Variants in ADH1C observed in about 807,000 individuals in gnomAD.
ADH1C encodes the protein alcohol dehydrogenase 1C (class I), gamma polypeptide.
A neutral mutation model predicts 35.0 loss-of-function variants in ADH1C; 26 were observed. The ratio of observed to expected loss-of-function variants is 0.74; its 90% confidence interval spans 0.54 to 1.03. The LOEUF (loss-of-function observed/expected upper bound fraction) is 1.03, where lower values mean the gene tolerates loss of function less well. Ranked by LOEUF, ADH1C falls within the 50% of genes least tolerant of loss-of-function variation. The pLI, the probability that ADH1C is intolerant of heterozygous loss-of-function variation, is 0.00. For synonymous variants in ADH1C, 170 were observed against 169.3 expected (o/e 1.00, Z -0.03); for missense variants, 413 against 465.4 (o/e 0.89, Z 1.04).
At chr4:99,352,320 CA>C (rs1268994324) in intron 1 of ADH1C, among the ~76,000 whole-genome samples, 1 of 152,042 alleles carries the variant, frequency 6.6e-6, no homozygotes, top group African/African-American at 2.4e-5. Context: ...TTTAGGTTTA[CA>C]AATCAGTCAT....
chr4:99,346,818 A>AT (rs1451864650), intron 3 of ADH1C, among the ~76,000 whole-genome samples, 188 bp downstream of exon 3: 1 of 152,118 alleles, frequency 6.6e-6, no homozygotes, highest in East Asian at 1.9e-4. Context: ...GAATACACGC[A>AT]TGCCTGCCTG....
intron 8 of ADH1C, among the ~76,000 whole-genome samples, chr4:99,337,640 A>G (rs779190451): frequency 1.3e-5 from 2 of 152,012 alleles, no homozygotes; most frequent in Admixed American, 6.6e-5. Flanking sequence ...AAATATATGC[A>G]CATAATTTAG....
chr4:99,339,183 C>T (rs540798448), intron 8 of ADH1C, among the ~76,000 whole-genome samples: 2 of 152,018 alleles, frequency 1.3e-5, no homozygotes, highest in Non-Finnish European at 2.9e-5. Context: ...TTTTAATATA[C>T]AATCATTAGA....
intron 1 of ADH1C, among the ~76,000 whole-genome samples, chr4:99,350,576 C>G (rs925155114): frequency 6.6e-6 from 1 of 152,190 alleles, no homozygotes; most frequent in African/African-American, 2.4e-5. Flanking sequence ...TTATTTTGTT[C>G]CATTTTATGG....
At chr4:99,339,531 C>CCCCCCCT in intron 8 of ADH1C, 46 bp downstream of exon 8, 1 of 1,205,814 alleles carries the variant, frequency 8.3e-7, no homozygotes, top group South Asian at 1.5e-5. Context: ...CCCCCCGCCG[C>CCCCCCCT]TACTGTAGAA....
In ADH1C at chr4:99,336,767, G is replaced by C; in HGVS notation, c.1113C>G (p.Thr371=). ...CTGTATTGTTTCAAAACGTCAGGACGGTACGGATACTGCAATAGGAAAGAA... is the reference window on the plus strand; with the variant it reads ...CTGTATTGTTTCAAAACGTCAGGACCGTACGGATACTGCAATAGGAAAGAA... The part of the protein sequence containing the change: ...DLLRSGKSIR[T]VLTF The change falls in exon 9 of 9, where the codon ACC becomes ACG. Residue 371 remains threonine (T), a synonymous_variant. Transcript: ENST00000515683. The C allele has an allele frequency of 6.2e-7, 1 of 1,613,676 alleles. No individual in the cohort carries two copies. Among genetic ancestry groups the C allele is most frequent in the Non-Finnish European group, 8.5e-7 (1 of 1,179,732 alleles).
At chr4:99,343,798 C>T (rs1344119729) in intron 5 of ADH1C, among the ~76,000 whole-genome samples, 3 of 152,106 alleles carry the variant, frequency 2.0e-5, no homozygotes, top group African/African-American at 4.8e-5. Flanking sequence ...CTAAAGTCAC[C>T]GAAATTTGGA....
chr4:99,349,650 T>C (rs1000803812), intron 1 of ADH1C, among the ~76,000 whole-genome samples: 4 of 133,808 alleles, frequency 3.0e-5, no homozygotes, highest in Non-Finnish European at 7.1e-5. Context: ...TTTAATTTTC[T>C]CTCTCCACTT....
chr4:99,342,023 A>T (rs283409), intron 6 of ADH1C, among the ~76,000 whole-genome samples: 117,519 of 142,524 alleles, frequency 0.82, 48,975 homozygotes, highest in South Asian at 0.87. Flanking sequence ...AAAAAAAAAA[A>T]AAATAAATAA....
intron 3 of ADH1C, among the ~76,000 whole-genome samples, chr4:99,346,671 G>T (rs1415345834): frequency 6.6e-6 from 1 of 151,964 alleles, no homozygotes; most frequent in African/African-American, 2.4e-5. Context: ...AGAAGACAGT[G>T]TTCAGCTAAC....
At chr4:99,345,334 C>T in intron 3 of ADH1C, 68 bp from the exon 4 acceptor site, 4 of 1,419,192 alleles carry the variant, frequency 2.8e-6, no homozygotes, top group Non-Finnish European at 3.9e-6. Context: ...AAACTTAACG[C>T]TCACATGTAT....
intron 8 of ADH1C, among the ~76,000 whole-genome samples, chr4:99,338,426 T>C (rs1202625604): frequency 6.4e-5 from 6 of 93,176 alleles, no homozygotes; most frequent in African/African-American, 2.4e-4. Context: ...TATATATATA[T>C]ATATATATAT....
Position 99,339,706 on chromosome 4 carries a change from C to T in ADH1C, c.974G>A (p.Ser325Asn). ...WKGAIFGGFK[S>N]KESVPKLVAD... Reference sequence around the variant, plus strand: ...CACAAGTTTGGGGACAGATTCTTTACTCTTAAAGCCTGAAAAGAAGAAAAT... The same window carrying T: ...CACAAGTTTGGGGACAGATTCTTTATTCTTAAAGCCTGAAAAGAAGAAAAT... The change falls in exon 8 of 9, where the codon AGT becomes AAT. Residue 325 changes from serine to asparagine, a missense_variant. Coordinates refer to ENST00000515683, the MANE Select transcript of ADH1C (RefSeq NM_000669.5). The T allele has an allele frequency of 6.2e-7, 1 of 1,606,698 alleles. No individual in the cohort carries two copies. The highest frequency in any genetic ancestry group is 8.5e-7 in the Non-Finnish European group (1 of 1,178,142).
intron 5 of ADH1C, among the ~76,000 whole-genome samples, chr4:99,343,897 T>C (rs1315214201): frequency 2.0e-5 from 3 of 152,230 alleles, no homozygotes; most frequent in African/African-American, 7.2e-5. Context: ...GGTAACATGC[T>C]GTTCCTGTTC....
chr4:99,338,397 A>C (rs1238310834), intron 8 of ADH1C, among the ~76,000 whole-genome samples: 2 of 10,060 alleles, frequency 2.0e-4, no homozygotes, highest in Non-Finnish European at 3.9e-4. Flanking sequence ...ACTGTTTTCT[A>C]TATATATATA....
At position 99,340,713 on chromosome 4, in the gene ADH1C, G is replaced by A. The variant is rs747412075; in HGVS notation, c.829-3C>T. ...TGACAACATAACAGGGAAGCCATCT[G>A]GAATAAAGTGAACATTTAGTATCCT... is the stretch of plus-strand genomic sequence containing the variant. On this transcript the variant is annotated splice_polypyrimidine_tract_variant and splice_region_variant and intron_variant, in intron 6 of 8. Transcript: ENST00000515683. 1.2e-6 allele frequency: 2 copies of A among 1,612,250 alleles called. No homozygotes were observed. The highest frequency in any genetic ancestry group is 2.2e-5 in the South Asian group (2 of 90,988).
intron 7 of ADH1C, 56 bp downstream of exon 7, chr4:99,340,519 A>G: frequency 5.0e-6 from 8 of 1,598,712 alleles, no homozygotes; most frequent in Non-Finnish European, 6.8e-6. Flanking sequence ...GTCACTCATA[A>G]AAGGAGAGAA....
At chr4:99,349,874 T>C (rs1158351532) in intron 1 of ADH1C, among the ~76,000 whole-genome samples, 1 of 152,048 alleles carries the variant, frequency 6.6e-6, no homozygotes, top group African/African-American at 2.4e-5. Flanking sequence ...AACTGTGTAT[T>C]TGAGTTTCTA....
chr4:99,344,898 A>G lies in ADH1C; in HGVS notation c.531T>C (p.Phe177=), dbSNP rs577668832. Residue 177 remains phenylalanine (F), a synonymous_variant, in exon 5 of 9, where the codon TTT becomes TTC. Coordinates refer to ENST00000515683, the MANE Select transcript of ADH1C (RefSeq NM_000669.5). ...LEKVCLIGCG[F]STGYGSAVKV... is the part of the protein sequence containing the mutation. ...TGACTGCAGACCCATAACCAGTCGA[A>G]AATCCACAGCCAATGAGGCAGACTT... 34 of 1,614,188 alleles carry G rather than the reference A, an allele frequency of 2.1e-5. No individual in the cohort carries two copies. The highest frequency in any genetic ancestry group is 1.6e-4 in the Middle Eastern group (1 of 6,062).
Sources: gnomAD v4.1 joint callset for allele counts (sites outside exome capture counted in the v4.1 genomes callset) on GRCh38, gnomAD v4.1.1 for gene constraint, MANE v1.5 for transcripts, NCBI Gene and HGNC (gene_info 2026-07-23, HGNC 2026-07-21) for gene names.